Variants in DCLK3 observed in about 807,000 individuals in gnomAD.
DCLK3 encodes serine/threonine-protein kinase DCLK3.
Under a neutral mutation model 46.4 loss-of-function variants are expected in DCLK3, and 30 were observed. That is an observed-to-expected ratio of 0.65 (90% CI 0.48 to 0.88). The LOEUF (loss-of-function observed/expected upper bound fraction) is 0.88, where lower values mean the gene tolerates loss of function less well. DCLK3 is among the 40% of genes least tolerant of loss of function. DCLK3 has a pLI of 0.00. For missense variants in DCLK3, 846 were observed against 907.1 expected, an observed-to-expected ratio of 0.93 and a Z score of 0.87; for synonymous variants, 401 against 339.2, an observed-to-expected ratio of 1.18 and a Z score of -2.00.
chr3:36,736,424 G>A (rs1474148996), intron 2 of DCLK3, among the ~76,000 whole-genome samples: 2 of 152,134 alleles, frequency 1.3e-5, no homozygotes, highest in Admixed American at 6.5e-5. Context: ...GTATAAAGGG[G>A]TTTTGCTTTT....
In DCLK3 at chr3:36,737,470, T is replaced by C; in HGVS notation, c.1697A>G (p.Asp566Gly). The C allele has an allele frequency of 6.2e-7, 1 of 1,614,220 alleles. No homozygotes were observed. Among genetic ancestry groups the C allele is most frequent in the Non-Finnish European group, 8.5e-7 (1 of 1,180,030 alleles). The change falls in exon 2 of 5, where the codon GAC (aspartate) becomes GGC (glycine). Residue 566 changes from aspartate (D) to glycine (G), a missense_variant. By Grantham distance (94) the Asp-to-Gly change is moderately conservative. Around this residue, in one of 3 missense-constraint regions of DCLK3, gnomAD observed 247 missense variants for 322.8 expected, o/e 0.77. Transcript: ENST00000636136. This position sits in a 1 kb window ranked among gnomAD's most constrained non-coding sequence, Gnocchi z 4.4. ...IDKSRLKGKE[D>G]MVDSEILIIQ... ...GATCAAGATCTCACTGTCCACCATGTCCTCCTTGCCCTTGAGTCTGGACTT... is the reference window on the plus strand; with the variant it reads ...GATCAAGATCTCACTGTCCACCATGCCCTCCTTGCCCTTGAGTCTGGACTT...
intron 1 of DCLK3, among the ~76,000 whole-genome samples, chr3:36,756,205 C>T (rs1262838713): frequency 6.6e-6 from 1 of 152,186 alleles, no homozygotes; most frequent in East Asian, 1.9e-4. Context: ...CTGCTGGGAA[C>T]CTCTGGAGAG....
chr3:36,714,471 G>T lies in DCLK3; in HGVS notation c.*857C>A, dbSNP rs1455443491. On this transcript the variant is annotated 3_prime_UTR_variant, in exon 5 of 5. Transcript: ENST00000636136. ...TCCTGGGTGTATGCCCTGCAGGTAG[G>T]AATGTGCTTGAACTCTGAGCTCCTT... The T allele has an allele frequency of 6.6e-6, 1 of 152,208 alleles. No individual in the cohort carries two copies. The highest frequency in any genetic ancestry group is 2.4e-5 in the African/African-American group (1 of 41,438). The allele number at this position is 152,208 out of a possible 1,614,324, so 9.4% of individuals were successfully genotyped here.
At chr3:36,761,660 C>T (rs1701541034) in intron 1 of DCLK3, among the ~76,000 whole-genome samples, 1 of 152,158 alleles carries the variant, frequency 6.6e-6, no homozygotes. Flanking sequence ...TACAATGACC[C>T]TCCTGGATCC....
chr3:36,724,100 A>C (rs1575136169), intron 2 of DCLK3, among the ~76,000 whole-genome samples: 1 of 152,296 alleles, frequency 6.6e-6, no homozygotes, highest in East Asian at 1.9e-4. Context: ...TGGATGTGAG[A>C]CCTGGAGTCA....
At chr3:36,721,098 G>C (rs886590504) in intron 3 of DCLK3, among the ~76,000 whole-genome samples, 7 of 152,176 alleles carry the variant, frequency 4.6e-5, no homozygotes, top group Non-Finnish European at 2.9e-5. Context: ...GTTCATGGAG[G>C]AAAATGGGAT....
chr3:36,727,737 A>G (rs1701142865), intron 2 of DCLK3, among the ~76,000 whole-genome samples: 1 of 152,168 alleles, frequency 6.6e-6, no homozygotes, highest in South Asian at 2.1e-4. Flanking sequence ...GTTTTTAATT[A>G]TTCTGTCTCC....
chr3:36,760,504 A>G (rs1035180501), intron 1 of DCLK3, among the ~76,000 whole-genome samples: 2 of 152,046 alleles, frequency 1.3e-5, no homozygotes, highest in African/African-American at 4.8e-5. Context: ...GAGGGATAGC[A>G]TTAGGAGATA....
At chr3:36,754,936 A>AG (rs1215078722) in intron 1 of DCLK3, among the ~76,000 whole-genome samples, 1 of 152,100 alleles carries the variant, frequency 6.6e-6, no homozygotes, top group Non-Finnish European at 1.5e-5. Flanking sequence ...GGCAAAAAAA[A>AG]TCATTAATTA....
chr3:36,760,970 G>T (rs1186263145), intron 1 of DCLK3, among the ~76,000 whole-genome samples: 1 of 152,164 alleles, frequency 6.6e-6, no homozygotes, highest in Non-Finnish European at 1.5e-5. Context: ...TGGGTTTGAG[G>T]GGCCAGAGCC....
At position 36,737,745 on chromosome 3, in the gene DCLK3, C is replaced by T; in HGVS notation, c.1422G>A (p.Met474Ile). 7 of 1,614,196 alleles carry T rather than the reference C, an allele frequency of 4.3e-6. No homozygotes were observed. Among genetic ancestry groups the T allele is most frequent in the Non-Finnish European group, 5.1e-6 (6 of 1,180,030 alleles). Reference protein sequence around the residue: ...KEAEKEKKPCMSGGRRMTLRD... With the variant: ...KEAEKEKKPCISGGRRMTLRD... ...TGAGAGTCATCCTTCTGCCTCCAGA[C>T]ATACATGGCTTTTTCTCCTTCTCTG... The change falls in exon 2 of 5, where the codon ATG becomes ATA. Residue 474 changes from methionine to isoleucine, a missense_variant. Met to Ile is a conservative substitution (Grantham distance 10). Around this residue, in one of 3 missense-constraint regions of DCLK3, gnomAD observed 553 missense variants for 543.0 expected, o/e 1.02. Transcript: ENST00000636136. This position sits in a 1 kb window ranked among gnomAD's most constrained non-coding sequence, Gnocchi z 4.4.
At chr3:36,752,671 C>T (rs887277091) in intron 1 of DCLK3, among the ~76,000 whole-genome samples, 1 of 152,152 alleles carries the variant, frequency 6.6e-6, no homozygotes, top group Admixed American at 6.5e-5. Context: ...AATATCATTA[C>T]TCCAAGAGGC....
At chr3:36,755,028 A>G (rs1178526124) in intron 1 of DCLK3, among the ~76,000 whole-genome samples, 3 of 152,362 alleles carry the variant, frequency 2.0e-5, no homozygotes, top group South Asian at 4.1e-4. Context: ...ACTGCAATAA[A>G]TTGAAAAACA....
chr3:36,726,881 A>C (rs892480366), intron 2 of DCLK3, among the ~76,000 whole-genome samples: 5 of 152,242 alleles, frequency 3.3e-5, no homozygotes, highest in African/African-American at 1.2e-4. Context: ...GGAAAACAAA[A>C]TAATGTGATA....
intron 2 of DCLK3, among the ~76,000 whole-genome samples, chr3:36,733,831 A>C (rs1479531598): frequency 2.0e-5 from 3 of 152,240 alleles, no homozygotes; most frequent in Non-Finnish European, 4.4e-5. Context: ...CACAATTATC[A>C]GATATAAATA....
chr3:36,738,751 T>G lies in DCLK3; in HGVS notation c.416A>C (p.Lys139Thr). The change falls in exon 2 of 5, where the codon AAG becomes ACG. Residue 139 changes from lysine to threonine, a missense_variant. Physicochemically the swap from Lys to Thr is moderately conservative, Grantham distance 78 (BLOSUM62 -1). Coordinates refer to ENST00000636136, the MANE Select transcript of DCLK3 (RefSeq NM_001394672.2). ...ISEALGSPRW[K>T]NDRVRKLFNL... Reference sequence around the variant, plus strand: ...AAACAGTTTCCTCACACGGTCATTCTTCCATCTGGGAGAGCCCAAGGCTTC... The same window carrying G: ...AAACAGTTTCCTCACACGGTCATTCGTCCATCTGGGAGAGCCCAAGGCTTC... The G allele has an allele frequency of 1.5e-6, 2 of 1,301,126 alleles. No individual in the cohort carries two copies. The highest frequency in any genetic ancestry group is 2.0e-6 in the Non-Finnish European group (2 of 1,019,198). The allele number at this position is 1,301,126 out of a possible 1,614,324, so 80.6% of individuals were successfully genotyped here.
chr3:36,730,953 G>A (rs1172076263), intron 2 of DCLK3, among the ~76,000 whole-genome samples: 1 of 152,020 alleles, frequency 6.6e-6, no homozygotes, highest in Non-Finnish European at 1.5e-5. Flanking sequence ...GGAGCAGGGC[G>A]AGTGAGGAGC....
chr3:36,746,061 C>G (rs1281097141), intron 1 of DCLK3, among the ~76,000 whole-genome samples: 1 of 152,218 alleles, frequency 6.6e-6, no homozygotes, highest in East Asian at 1.9e-4. Flanking sequence ...AACATCCTCA[C>G]TACCTATCCT....
chr3:36,742,031 T>C (rs1031312353), intron 1 of DCLK3, among the ~76,000 whole-genome samples: 5 of 152,116 alleles, frequency 3.3e-5, no homozygotes, highest in Non-Finnish European at 5.9e-5. Flanking sequence ...ACATTTAGCA[T>C]AGAAGGAGGT....
Sources: gnomAD v4.1 joint callset for allele counts (sites outside exome capture counted in the v4.1 genomes callset) on GRCh38, gnomAD v4.1.1 for gene constraint, gnomAD v4.1.1 regional missense constraint, Gnocchi (gnomAD v3.1) non-coding constraint, MANE v1.5 for transcripts, NCBI Gene and HGNC (gene_info 2026-07-23, HGNC 2026-07-21) for gene names.